The following HTRA1 variants were observed in gnomAD, a reference collection of about 807,000 sequenced individuals.
The protein encoded by HTRA1 is serine protease HTRA1.
HTRA1 carries 26 observed loss-of-function variants against 49.7 expected under a neutral mutation model. The ratio of observed to expected loss-of-function variants is 0.52; its 90% confidence interval spans 0.38 to 0.73. The LOEUF (loss-of-function observed/expected upper bound fraction) is 0.73, where lower values mean the gene tolerates loss of function less well. HTRA1 is among the 30% of genes least tolerant of loss of function. The probability of loss-of-function intolerance (pLI) is 0.00; values close to 1 mark genes in which losing one functional copy is unlikely to be tolerated. For synonymous variants in HTRA1, 291 were observed against 286.9 expected (o/e 1.01, Z -0.14); for missense variants, 561 against 667.2 (o/e 0.84, Z 1.75).
chr10:122,511,939 C>T (rs768439437), intron 7 of HTRA1, 31 bp from the exon 8 acceptor site: 2 of 1,559,518 alleles, frequency 1.3e-6, no homozygotes, highest in Non-Finnish European at 1.8e-6. Flanking sequence ...TGTTTCTTCA[C>T]ACTAACACGG....
intron 4 of HTRA1, 52 bp from the exon 5 acceptor site, chr10:122,507,318 T>C: frequency 6.7e-7 from 1 of 1,499,828 alleles, no homozygotes; most frequent in Non-Finnish European, 9.3e-7. Flanking sequence ...GGACATAGAT[T>C]GAACCATGTT....
chr10:122,472,312 A>T (rs1241312084), intron 1 of HTRA1, among the ~76,000 whole-genome samples: 1 of 151,236 alleles, frequency 6.6e-6, no homozygotes, highest in Non-Finnish European at 1.5e-5. Context: ...ATGAAAAATT[A>T]AGAAAAGAAG....
At chr10:122,485,322 G>C (rs1009720711) in intron 1 of HTRA1, among the ~76,000 whole-genome samples, 19 of 152,202 alleles carry the variant, frequency 1.2e-4, no homozygotes, top group African/African-American at 4.6e-4. Context: ...CACCACGAAG[G>C]CTTGTCAGTC....
At chr10:122,491,067 G>A (rs2097495562) in intron 3 of HTRA1, among the ~76,000 whole-genome samples, 1 of 152,212 alleles carries the variant, frequency 6.6e-6, no homozygotes, top group African/African-American at 2.4e-5. Context: ...GGAATTTCTA[G>A]CGACAACTAA....
rs181573207 is a variant in HTRA1, at chr10:122,508,635, C to G, written c.1006-21C>G. 1,990 of 1,448,928 alleles carry G rather than the reference C, an allele frequency of 1.4e-3. 1 individual carries two copies. Among genetic ancestry groups the G allele is most frequent in the Non-Finnish European group, 1.7e-3 (1,783 of 1,029,084 alleles). 89.8% of individuals were successfully genotyped at this position (1,448,928 alleles called of 1,614,324 possible). On this transcript the variant is annotated intron_variant, in intron 5 of 8. Coordinates refer to ENST00000368984, the MANE Select transcript of HTRA1 (RefSeq NM_002775.5). ...GGTAAAGCTTCACGATTCAGTAAGC[C>G]GTGTCCTTCTTGCTTTTCAGGACGG...
intron 1 of HTRA1, 80 bp downstream of exon 1, chr10:122,462,204 T>A: frequency 8.1e-7 from 1 of 1,237,394 alleles, no homozygotes; most frequent in Non-Finnish European, 1.1e-6. Context: ...GGTGGGCAGG[T>A]TGAGGGGCAG....
intron 6 of HTRA1, 139 bp from the exon 7 acceptor site, chr10:122,509,957 C>G (rs1291655328): frequency 8.1e-6 from 6 of 743,000 alleles, no homozygotes; most frequent in Admixed American, 2.0e-5. Flanking sequence ...GGGGTCCAGA[C>G]CAGGATTTGA....
intron 1 of HTRA1, among the ~76,000 whole-genome samples, chr10:122,473,151 C>T (rs542739574): frequency 2.0e-4 from 30 of 152,290 alleles, no homozygotes; most frequent in South Asian, 8.3e-4. Flanking sequence ...GGTAGAATAA[C>T]GAGCACTTTT....
chr10:122,489,725 G>A (rs2097494885), intron 3 of HTRA1, 99 bp downstream of exon 3: 8 of 1,123,548 alleles, frequency 7.1e-6, no homozygotes, highest in African/African-American at 6.2e-5. Context: ...TTCTCGGGGG[G>A]CACTGAAGCC....
intron 1 of HTRA1, among the ~76,000 whole-genome samples, chr10:122,485,014 G>T (rs1009625861): frequency 6.6e-6 from 1 of 152,232 alleles, no homozygotes; most frequent in African/African-American, 2.4e-5. Flanking sequence ...GCCAGCCAGG[G>T]TGTCTGTAGA....
At position 122,501,961 on chromosome 10, in the gene HTRA1, GTTTTTTTTTTTTTTTTTTTTT is replaced by G. The variant is rs541582341; in HGVS notation, c.778-4717_778-4697del. Among the ~76,000 whole-genome samples, 5 of 73,494 alleles carry G rather than the reference GTTTTTTTTTTTTTTTTTTTTT, an allele frequency of 6.8e-5. No homozygotes were observed. The Admixed American group carries it at 8.5e-4, about 13-fold the overall frequency. The allele number at this position is 73,494 out of a possible 152,430, so 48.2% of individuals were successfully genotyped here. Reference sequence around the variant, plus strand: ...ATCTACTCTACATACTCCATTTGGAGTTTTTTTTTTTTTTTTTTTTTTTTTTTTTTTTTGTCACTTGCAGTT... The same window carrying G: ...ATCTACTCTACATACTCCATTTGGAGTTTTTTTTTTTTGTCACTTGCAGTT... On this transcript the variant is annotated intron_variant, in intron 3 of 8. Coordinates refer to ENST00000368984, the MANE Select transcript of HTRA1 (RefSeq NM_002775.5).
rs535674964 is a variant in HTRA1 at position 122,488,818 on chromosome 10, T to A, written c.473-84T>A. ...CAGAATTCCAAAGGCTGGGCATGCATCTTGGCTTCCTCTAACCCATGTCTT... is the reference window on the plus strand; with the variant it reads ...CAGAATTCCAAAGGCTGGGCATGCAACTTGGCTTCCTCTAACCCATGTCTT... On this transcript the variant is annotated intron_variant, in intron 1 of 8. Transcript: ENST00000368984. The A allele has an allele frequency of 5.6e-6, 6 of 1,079,114 alleles. No homozygotes were observed. In the African/African-American group the frequency reaches 9.3e-5, roughly 17 times the overall value. 66.8% of individuals were successfully genotyped at this position (1,079,114 alleles called of 1,614,324 possible).
At chr10:122,472,938 G>A (rs79851234) in intron 1 of HTRA1, among the ~76,000 whole-genome samples, 2 of 152,158 alleles carry the variant, frequency 1.3e-5, no homozygotes, top group African/African-American at 4.8e-5. Context: ...CAGAAGGGTT[G>A]TAGCCATATT....
intron 1 of HTRA1, among the ~76,000 whole-genome samples, chr10:122,472,710 T>A (rs2097486687): frequency 6.6e-6 from 1 of 152,196 alleles, no homozygotes; most frequent in Admixed American, 6.5e-5. Flanking sequence ...CCATCATTTC[T>A]GTCCCAAGTG....
intron 1 of HTRA1, 89 bp from the exon 2 acceptor site, chr10:122,488,813 A>C (rs1367479687): frequency 4.0e-6 from 4 of 1,001,144 alleles, no homozygotes; most frequent in East Asian, 4.8e-5. Flanking sequence ...AAGGCTGGGC[A>C]TGCATCTTGG....
intron 1 of HTRA1, among the ~76,000 whole-genome samples, chr10:122,465,752 G>C (rs1018665155): frequency 3.2e-4 from 49 of 152,194 alleles, no homozygotes; most frequent in African/African-American, 1.1e-3. Flanking sequence ...GGGACTGTAG[G>C]AAGGCTGTTT....
intron 1 of HTRA1, among the ~76,000 whole-genome samples, chr10:122,470,305 C>G (rs1051811929): frequency 2.0e-5 from 3 of 152,186 alleles, no homozygotes; most frequent in Non-Finnish European, 4.4e-5. Flanking sequence ...TCCTCATCTA[C>G]AACAGGGGGA....
intron 1 of HTRA1, among the ~76,000 whole-genome samples, chr10:122,488,490 A>G (rs984383665): frequency 6.6e-6 from 1 of 152,088 alleles, no homozygotes; most frequent in Non-Finnish European, 1.5e-5. Flanking sequence ...TGAACCGGAG[A>G]GGTGGAGGTT....
At chr10:122,504,749 C>T (rs1021314906) in intron 3 of HTRA1, among the ~76,000 whole-genome samples, 3 of 152,244 alleles carry the variant, frequency 2.0e-5, no homozygotes, top group Non-Finnish European at 4.4e-5. Flanking sequence ...CTGGCAGGGG[C>T]TGCTGGCCCA....
Sources: gnomAD v4.1 joint callset for allele counts (sites outside exome capture counted in the v4.1 genomes callset) on GRCh38, gnomAD v4.1.1 for gene constraint, MANE v1.5 for transcripts, NCBI Gene and HGNC (gene_info 2026-07-23, HGNC 2026-07-21) for gene names.